The following MYO3B variants were observed in gnomAD, a reference collection of about 807,000 sequenced individuals.
The protein encoded by MYO3B is myosin IIIB.
Under a neutral mutation model 174.6 loss-of-function variants are expected in MYO3B, and 156 were observed. The observed-to-expected ratio is 0.89, with a 90% CI of 0.78 to 1.02. MYO3B has a LOEUF of 1.02. MYO3B is among the 50% of genes least tolerant of loss of function. The pLI is 0.00. For synonymous variants in MYO3B, 563 were observed against 569.1 expected (o/e 0.99, Z 0.15); for missense variants, 1,632 against 1,639.4 (o/e 1.00, Z 0.08).
At chr2:170,548,181 C>T (rs1690664005) in intron 32 of MYO3B, among the ~76,000 whole-genome samples, 1 of 147,636 alleles carries the variant, frequency 6.8e-6, no homozygotes, top group South Asian at 2.1e-4. Flanking sequence ...AGCCAGTTCA[C>T]CATGTAAATA....
intron 7 of MYO3B, among the ~76,000 whole-genome samples, chr2:170,241,681 C>T (rs934045285): frequency 7.5e-5 from 1 of 13,364 alleles, no homozygotes; most frequent in Non-Finnish European, 1.4e-4. Flanking sequence ...TGCCTGGATG[C>T]TGTGGGTAGT....
At chr2:170,385,420 C>G (rs114235809) in intron 12 of MYO3B, among the ~76,000 whole-genome samples, 2,801 of 152,140 alleles carry the variant, frequency 0.018, 90 homozygotes, top group African/African-American at 0.064. Context: ...TTGTGAATAA[C>G]GAAAGATACT....
At chr2:170,640,058 G>A (rs1035187365) in intron 32 of MYO3B, among the ~76,000 whole-genome samples, 2 of 152,136 alleles carry the variant, frequency 1.3e-5, no homozygotes, top group Non-Finnish European at 2.9e-5. Context: ...TAGCTAATCT[G>A]CAGAATTGAT....
intron 30 of MYO3B, among the ~76,000 whole-genome samples, chr2:170,525,831 A>G (rs764515329): frequency 6.6e-5 from 10 of 152,216 alleles, no homozygotes; most frequent in Non-Finnish European, 1.2e-4. Context: ...GCTGTGAAGT[A>G]CAGATTGTCA....
chr2:170,532,853 C>T (rs78801038), intron 30 of MYO3B, among the ~76,000 whole-genome samples: 2,162 of 147,442 alleles, frequency 0.015, 22 homozygotes, highest in Non-Finnish European at 0.023. Context: ...AGGTTTGTAA[C>T]TGACTCTCAA....
intron 32 of MYO3B, among the ~76,000 whole-genome samples, chr2:170,551,280 C>T (rs1408387091): frequency 4.0e-5 from 6 of 151,864 alleles, no homozygotes; most frequent in Non-Finnish European, 5.9e-5. Context: ...TATTCTCCCA[C>T]ATGGCAAAAT....
chr2:170,594,199 G>C (rs1445232964), intron 32 of MYO3B, among the ~76,000 whole-genome samples: 1 of 152,070 alleles, frequency 6.6e-6, no homozygotes, highest in Non-Finnish European at 1.5e-5. Context: ...AGGCCTCTCT[G>C]AGACTTTATA....
intron 23 of MYO3B, among the ~76,000 whole-genome samples, chr2:170,449,863 A>G (rs1446823554): frequency 6.6e-6 from 1 of 152,184 alleles, no homozygotes; most frequent in Non-Finnish European, 1.5e-5. Context: ...TCAGCTCTCC[A>G]TAAGTCCTAG....
chr2:170,188,636 T>G (rs918425754), intron 1 of MYO3B, among the ~76,000 whole-genome samples: 4 of 152,172 alleles, frequency 2.6e-5, no homozygotes, highest in Non-Finnish European at 5.9e-5. Context: ...TTATGTTTTT[T>G]GATTTGCAGT....
chr2:170,405,393 C>T (rs961647670), intron 20 of MYO3B, 152 bp from the exon 21 acceptor site: 27 of 639,506 alleles, frequency 4.2e-5, no homozygotes, highest in Non-Finnish European at 7.2e-5. Flanking sequence ...GATAAATGCC[C>T]ATCATATCGG....
At chr2:170,241,979 G>C (rs2093139578) in intron 7 of MYO3B, among the ~76,000 whole-genome samples, 1 of 152,220 alleles carries the variant, frequency 6.6e-6, no homozygotes, top group Non-Finnish European at 1.5e-5. Flanking sequence ...CACTATTACA[G>C]AATTGTCACA....
At chr2:170,558,506 T>C (rs1390287043) in intron 32 of MYO3B, among the ~76,000 whole-genome samples, 1 of 152,148 alleles carries the variant, frequency 6.6e-6, no homozygotes, top group African/African-American at 2.4e-5. Flanking sequence ...TATAGCTTAA[T>C]TTTGCCTGTT....
At chr2:170,268,720 G>T (rs1052213780) in intron 7 of MYO3B, among the ~76,000 whole-genome samples, 1 of 151,874 alleles carries the variant, frequency 6.6e-6, no homozygotes, top group Non-Finnish European at 1.5e-5. Context: ...TACCAAATTA[G>T]CAACACACAG....
intron 30 of MYO3B, among the ~76,000 whole-genome samples, chr2:170,537,667 T>C (rs2106190197): frequency 6.6e-6 from 1 of 152,022 alleles, no homozygotes; most frequent in South Asian, 2.1e-4. Flanking sequence ...GGCTAATCTC[T>C]AACTCCTAGA....
intron 8 of MYO3B, among the ~76,000 whole-genome samples, chr2:170,358,740 A>G (rs1349390040): frequency 6.6e-6 from 1 of 152,192 alleles, no homozygotes; most frequent in African/African-American, 2.4e-5. Flanking sequence ...AGCAGAATCT[A>G]CAGACTTGTT....
In MYO3B at chr2:170,550,767, G is replaced by A. The variant is rs546754809; in HGVS notation, c.3733+6779G>A. On this transcript the variant is annotated intron_variant, in intron 32 of 34. Coordinates refer to ENST00000408978, the MANE Select transcript of MYO3B (RefSeq NM_138995.5). ...TCTCAAGTGATCTCATTAAATTCTC[G>A]GGAAGTTGTCAAGAACAAAGTTACA... Among the ~76,000 whole-genome samples the A allele has an allele frequency of 2.6e-5, 4 of 152,272 alleles. No individual in the cohort carries two copies. The South Asian group carries it at 6.2e-4, about 24-fold the overall frequency.
At chr2:170,348,142 G>A (rs1298238830) in intron 8 of MYO3B, 1 of 152,138 alleles carries the variant, frequency 6.6e-6, no homozygotes, top group Non-Finnish European at 1.5e-5. Flanking sequence ...AAAAATTAAA[G>A]CAAAATATAA....
chr2:170,562,109 T>C (rs1193863718), intron 32 of MYO3B, among the ~76,000 whole-genome samples: 2 of 152,220 alleles, frequency 1.3e-5, no homozygotes, highest in Non-Finnish European at 1.5e-5. Context: ...ATTAGTGGAA[T>C]TCTAAAGTTA....
chr2:170,554,842 G>A (rs989195557), intron 32 of MYO3B, among the ~76,000 whole-genome samples: 2 of 152,130 alleles, frequency 1.3e-5, no homozygotes, highest in Non-Finnish European at 2.9e-5. Flanking sequence ...TCCAAGATTG[G>A]ATGTTGATGG....
Sources: allele counts gnomAD v4.1 joint callset (sites outside exome capture counted in the v4.1 genomes callset), GRCh38; gene constraint gnomAD v4.1.1; transcripts MANE v1.5; gene names NCBI Gene and HGNC (gene_info 2026-07-23, HGNC 2026-07-21).